MACF1: variants seen among roughly 807,000 people sequenced by gnomAD.
MACF1 encodes microtubule actin crosslinking factor 1, also known as microtubule-actin cross-linking factor 1.
A neutral mutation model predicts 854.8 loss-of-function variants in MACF1; 193 were observed. The ratio of observed to expected loss-of-function variants is 0.23; its 90% confidence interval spans 0.20 to 0.25. The LOEUF is 0.25. Among genes scored for constraint, MACF1 ranks in the 10% least tolerant of loss-of-function variants. The pLI is 1.00. For missense variants in MACF1, 7,722 were observed against 8,929.1 expected (o/e 0.86, Z 5.45); for synonymous variants, 3,185 against 3,226.7 (o/e 0.99, Z 0.44).
At chr1:39,268,128 C>T (rs545107893) in intron 6 of MACF1, among the ~76,000 whole-genome samples, 1 of 152,276 alleles carries the variant, frequency 6.6e-6, no homozygotes, top group Non-Finnish European at 1.5e-5. Context: ...AGGCTTGGTT[C>T]TTCTTGGCCC....
At chr1:39,456,922 T>C (rs1053046607) in intron 89 of MACF1, 17 of 152,266 alleles carry the variant, frequency 1.1e-4, no homozygotes, top group African/African-American at 3.9e-4. Flanking sequence ...TCCCAAAACT[T>C]CCCTTTTGAC....
chr1:39,479,090 T>A lies in MACF1; in HGVS notation c.21959-708T>A, dbSNP rs186820662. On this transcript the variant is annotated intron_variant, in intron 97 of 100. Transcript: ENST00000564288. ...CAGAAAGCCATAAGACAGCGCTAAC[T>A]GGCTTCCCGTGCCGACTCCACGTTC... 2.6e-5 allele frequency among the ~76,000 whole-genome samples: 4 copies of A among 152,340 alleles called. No individual in the cohort carries two copies. In the East Asian group the frequency reaches 7.7e-4, roughly 29 times the overall value.
intron 1 of MACF1, among the ~76,000 whole-genome samples, chr1:39,223,446 T>C (rs925101319): frequency 3.9e-5 from 6 of 152,166 alleles, no homozygotes; most frequent in African/African-American, 9.7e-5. Context: ...CTTACAGAGT[T>C]GTTGAGCATT....
chr1:39,350,740 G>A (rs1263016939), intron 42 of MACF1, 45 bp from the exon 43 acceptor site: 11 of 1,398,328 alleles, frequency 7.9e-6, no homozygotes, highest in Admixed American at 1.7e-5. Flanking sequence ...GGACTTAGAA[G>A]CACTAAAGTC....
intron 1 of MACF1, among the ~76,000 whole-genome samples, chr1:39,213,905 A>G (rs1327559271): frequency 2.6e-5 from 4 of 152,206 alleles, no homozygotes; most frequent in Non-Finnish European, 4.4e-5. Context: ...GTAAGCAGTA[A>G]CAGGATTATT....
chr1:39,238,144 C>A (rs1644880423), intron 2 of MACF1, among the ~76,000 whole-genome samples: 1 of 152,188 alleles, frequency 6.6e-6, no homozygotes, highest in South Asian at 2.1e-4. Context: ...CCTGTCATCT[C>A]TTAGATGAAG....
At chr1:39,254,237 A>G (rs1645073692) in intron 4 of MACF1, 61 bp from the exon 5 acceptor site, 7 of 1,354,226 alleles carry the variant, frequency 5.2e-6, no homozygotes, top group Non-Finnish European at 7.4e-6. Flanking sequence ...TAAAAGAGAA[A>G]GGGTCTGTAT....
At chr1:39,186,270 T>C (rs1442323513) in intron 2 of MACF1, among the ~76,000 whole-genome samples, 1 of 140,518 alleles carries the variant, frequency 7.1e-6, no homozygotes, top group Non-Finnish European at 1.6e-5. Context: ...TGAAATGACT[T>C]TTTTTTTTTT....
intron 36 of MACF1, among the ~76,000 whole-genome samples, chr1:39,329,713 T>C (rs1646683498): frequency 6.6e-6 from 1 of 152,212 alleles, no homozygotes; most frequent in African/African-American, 2.4e-5. Context: ...TGATGAAGTG[T>C]TGTAAGTGGT....
At chr1:39,307,897 C>CTTTTT (rs1646217452) in intron 23 of MACF1, among the ~76,000 whole-genome samples, 1 of 96,216 alleles carries the variant, frequency 1.0e-5, no homozygotes, top group Non-Finnish European at 2.1e-5. Flanking sequence ...TTCTTTCTTT[C>CTTTTT]TTTCTTTTTT....
chr1:39,338,012 G>T (rs892162031), intron 38 of MACF1, among the ~76,000 whole-genome samples: 1 of 152,010 alleles, frequency 6.6e-6, no homozygotes, highest in Non-Finnish European at 1.5e-5. Context: ...CTCGTGATCT[G>T]CCCTCCTCGG....
At chr1:39,114,141 A>T (rs990906798) in intron 2 of MACF1, among the ~76,000 whole-genome samples, 7 of 149,200 alleles carry the variant, frequency 4.7e-5, no homozygotes, top group African/African-American at 7.4e-5. Flanking sequence ...CCACCCAACA[A>T]CCACAGAAAG....
chr1:39,208,314 G>A (rs1644476694), intron 1 of MACF1, among the ~76,000 whole-genome samples: 1 of 151,952 alleles, frequency 6.6e-6, no homozygotes, highest in African/African-American at 2.4e-5. Flanking sequence ...GTAGTTAACT[G>A]CCTCTGGAAA....
At chr1:39,257,726 C>A in intron 5 of MACF1, 1 of 508,232 alleles carries the variant, frequency 2.0e-6, no homozygotes. Context: ...GGTTTGATTA[C>A]AAGGAGGGGG....
At chr1:39,167,873 C>CA (rs770717347) in intron 2 of MACF1, among the ~76,000 whole-genome samples, 91 of 39,120 alleles carry the variant, frequency 2.3e-3, no homozygotes, top group African/African-American at 7.1e-3. Context: ...GACTCCGTCT[C>CA]AAAAAAAAAA....
intron 1 of MACF1, among the ~76,000 whole-genome samples, chr1:39,225,866 A>G (rs1433851129): frequency 6.6e-6 from 1 of 152,224 alleles, no homozygotes; most frequent in Non-Finnish European, 1.5e-5. Context: ...AGGAGCCAAT[A>G]TAAAACTTAT....
chr1:39,480,830 T>C (rs1644999400), intron 98 of MACF1, 90 bp from the exon 99 acceptor site: 1 of 690,582 alleles, frequency 1.4e-6, no homozygotes, highest in Admixed American at 2.5e-5. Flanking sequence ...ATTTAGTATC[T>C]TCTATTTATT....
intron 72 of MACF1, 143 bp from the exon 73 acceptor site, chr1:39,440,860 T>A: frequency 1.5e-6 from 1 of 679,644 alleles, no homozygotes; most frequent in Non-Finnish European, 2.5e-6. Context: ...CCATGTAGAG[T>A]CTGAAGCTTT....
chr1:39,291,885 C>A, intron 15 of MACF1, 25 bp from the exon 16 acceptor site: 2 of 1,606,046 alleles, frequency 1.2e-6, no homozygotes, highest in South Asian at 2.2e-5. Flanking sequence ...TAAATTATGT[C>A]ATATATATAT....
Sources: gnomAD v4.1 joint callset for allele counts (sites outside exome capture counted in the v4.1 genomes callset) on GRCh38, gnomAD v4.1.1 for gene constraint, MANE v1.5 for transcripts, NCBI Gene and HGNC (gene_info 2026-07-23, HGNC 2026-07-21) for gene names.